Variants in TRAPPC9 observed in about 807,000 individuals in gnomAD.
TRAPPC9 encodes IKK2 binding protein.
In TRAPPC9, 83 loss-of-function variants were observed where a neutral mutation model predicts 124.0. The observed-to-expected ratio is 0.67, with a 90% CI of 0.56 to 0.80. The LOEUF is 0.80. TRAPPC9 is among the 30% of genes least tolerant of loss of function. The pLI is 0.00. For synonymous variants in TRAPPC9, 638 were observed against 617.5 expected, an observed-to-expected ratio of 1.03 and a Z score of -0.49; for missense variants, 1,302 against 1,508.3, an observed-to-expected ratio of 0.86 and a Z score of 2.27.
chr8:140,058,719 A>T (rs1842423449), intron 17 of TRAPPC9, among the ~76,000 whole-genome samples: 1 of 152,262 alleles, frequency 6.6e-6, no homozygotes, highest in South Asian at 2.1e-4. Flanking sequence ...AATGTGGAAG[A>T]CAGACATTTA....
intron 17 of TRAPPC9, among the ~76,000 whole-genome samples, 170 bp from the exon 18 acceptor site, chr8:140,024,249 GGCGGGGACCGACTCACACCCCCA>G (rs1178684592): frequency 6.6e-6 from 1 of 151,972 alleles, no homozygotes; most frequent in Admixed American, 6.5e-5. Context: ...TCACACCCCC[GGCGGGGACCGACTCACACCCCCA>G]GCGGGCACCA....
intron 17 of TRAPPC9, among the ~76,000 whole-genome samples, chr8:140,075,133 C>T (rs1483754451): frequency 2.0e-5 from 3 of 152,098 alleles, no homozygotes; most frequent in South Asian, 4.2e-4. Flanking sequence ...AGACAGGGCT[C>T]GGCCCCAGAG....
chr8:139,857,878 C>T (rs886857642), intron 21 of TRAPPC9, among the ~76,000 whole-genome samples: 4 of 152,206 alleles, frequency 2.6e-5, no homozygotes, highest in African/African-American at 4.8e-5. Context: ...GACAGGTCAC[C>T]GAAGAGGCAG....
intron 17 of TRAPPC9, among the ~76,000 whole-genome samples, chr8:140,074,855 ACAGC>A (rs778159561): frequency 1.3e-5 from 2 of 152,220 alleles, no homozygotes; most frequent in Non-Finnish European, 2.9e-5. Context: ...CTACGGGACC[ACAGC>A]AAGTAGCTGG....
chr8:140,112,841 C>CTT (rs34920600), intron 17 of TRAPPC9, among the ~76,000 whole-genome samples: 18 of 129,288 alleles, frequency 1.4e-4, no homozygotes, highest in African/African-American at 5.2e-4. Context: ...TTTTAATTTC[C>CTT]TTTTTTTTTT....
intron 19 of TRAPPC9, among the ~76,000 whole-genome samples, chr8:139,924,167 T>A (rs543076314): frequency 2.6e-4 from 40 of 152,308 alleles, no homozygotes; most frequent in African/African-American, 9.1e-4. Flanking sequence ...ATCAGTGTCA[T>A]CCTGGATAAA....
At chr8:140,064,602 A>G (rs915655948) in intron 17 of TRAPPC9, among the ~76,000 whole-genome samples, 2 of 152,228 alleles carry the variant, frequency 1.3e-5, no homozygotes, top group Admixed American at 6.5e-5. Context: ...AGAGAAATTG[A>G]CATGCATATT....
chr8:140,196,947 C>T (rs1209249687), intron 17 of TRAPPC9, among the ~76,000 whole-genome samples: 4 of 151,584 alleles, frequency 2.6e-5, no homozygotes, highest in African/African-American at 7.3e-5. Flanking sequence ...CAACGATCCA[C>T]GCGTGAACTC....
At chr8:139,931,745 G>T (rs1015940006) in intron 19 of TRAPPC9, 1 of 161,864 alleles carries the variant, frequency 6.2e-6, no homozygotes, top group Non-Finnish European at 1.3e-5. Context: ...TAAGTCTGAG[G>T]CTCTGACCAT....
chr8:140,430,900 A>G (rs1455519248), intron 4 of TRAPPC9, among the ~76,000 whole-genome samples: 1 of 152,028 alleles, frequency 6.6e-6, no homozygotes, highest in Non-Finnish European at 1.5e-5. Context: ...GTGGCCTCCC[A>G]AAGTGCTAGG....
intron 17 of TRAPPC9, among the ~76,000 whole-genome samples, chr8:140,133,813 T>A (rs1166126649): frequency 6.6e-6 from 1 of 151,454 alleles, no homozygotes; most frequent in Non-Finnish European, 1.5e-5. Context: ...AAATAGTATA[T>A]GGAATAATAC....
At chr8:139,804,439 T>TCACCAC (rs1331264712) in intron 21 of TRAPPC9, among the ~76,000 whole-genome samples, 3 of 14,928 alleles carry the variant, frequency 2.0e-4, no homozygotes, top group East Asian at 3.1e-3. Context: ...CCAAGCACCA[T>TCACCAC]CACCACCACT....
chr8:140,272,559 A>C (rs2131630176), intron 15 of TRAPPC9, among the ~76,000 whole-genome samples: 1 of 151,496 alleles, frequency 6.6e-6, no homozygotes, highest in South Asian at 2.1e-4. Flanking sequence ...TTGCATTGCT[A>C]TAAAGGAATA....
chr8:140,445,275 C>G (rs2071203796), intron 2 of TRAPPC9, among the ~76,000 whole-genome samples: 1 of 152,238 alleles, frequency 6.6e-6, no homozygotes, highest in Non-Finnish European at 1.5e-5. Flanking sequence ...CAGCTTCGTG[C>G]CCCAGCACCT....
chr8:140,005,410 G>T (rs1587472862), intron 18 of TRAPPC9, among the ~76,000 whole-genome samples: 1 of 152,190 alleles, frequency 6.6e-6, no homozygotes, highest in East Asian at 1.9e-4. Context: ...GTGGGCACCA[G>T]TCAGGGAAGG....
At position 140,257,241 on chromosome 8, in the gene TRAPPC9, GT is replaced by G. The variant is rs2064286968; in HGVS notation, c.2279-4313del. Among the ~76,000 whole-genome samples, 1 of 152,200 alleles carries G rather than the reference GT, an allele frequency of 6.6e-6. No individual in the cohort carries two copies. The highest frequency in any genetic ancestry group is 6.5e-5 in the Admixed American group (1 of 15,274). On this transcript the variant is annotated intron_variant, in intron 15 of 22. Coordinates refer to ENST00000438773, the MANE Select transcript of TRAPPC9 (RefSeq NM_001160372.4). This position sits in a 1 kb window ranked among gnomAD's most constrained non-coding sequence, Gnocchi z 4.6. ...TTTCCTAAGGGTACAAAGCTAGGATGTCCCAGAGTCAAGAGGTGAACCCTGG... is the reference window on the plus strand; with the variant it reads ...TTTCCTAAGGGTACAAAGCTAGGATGCCCAGAGTCAAGAGGTGAACCCTGG...
intron 17 of TRAPPC9, among the ~76,000 whole-genome samples, chr8:140,218,828 C>A (rs542243247): frequency 1.3e-5 from 2 of 152,032 alleles, no homozygotes; most frequent in Admixed American, 1.3e-4. Context: ...GGTGTGGTGG[C>A]GCACGCCTGT....
intron 21 of TRAPPC9, among the ~76,000 whole-genome samples, chr8:139,868,234 C>T (rs113570361): frequency 0.018 from 2,762 of 152,228 alleles, 80 homozygotes; most frequent in African/African-American, 0.063. Flanking sequence ...TGGTGGACAC[C>T]TGTAATCCCA....
At chr8:140,102,109 A>C (rs1385161599) in intron 17 of TRAPPC9, among the ~76,000 whole-genome samples, 1 of 152,146 alleles carries the variant, frequency 6.6e-6, no homozygotes, top group Non-Finnish European at 1.5e-5. Context: ...CTAGAGTCCA[A>C]ACTGTAACAG....
Sources: gnomAD v4.1 joint callset for allele counts (sites outside exome capture counted in the v4.1 genomes callset) on GRCh38, gnomAD v4.1.1 for gene constraint, Gnocchi (gnomAD v3.1) non-coding constraint, MANE v1.5 for transcripts, NCBI Gene and HGNC (gene_info 2026-07-23, HGNC 2026-07-21) for gene names.